The following HEATR5B variants were observed in gnomAD, a reference collection of about 807,000 sequenced individuals.
HEATR5B encodes HEAT repeat-containing protein 5B.
In HEATR5B, 156 loss-of-function variants were observed where a neutral mutation model predicts 224.1. The observed-to-expected ratio is 0.70, with a 90% CI of 0.61 to 0.80. The LOEUF is 0.80. Ranked by LOEUF, HEATR5B falls within the 30% of genes least tolerant of loss-of-function variation. HEATR5B has a pLI of 0.00. For missense variants in HEATR5B, 2,323 were observed against 2,535.5 expected, an observed-to-expected ratio of 0.92 and a Z score of 1.80; for synonymous variants, 1,027 against 893.0, an observed-to-expected ratio of 1.15 and a Z score of -2.68.
At chr2:36,990,258 C>G (rs1666239619) in intron 34 of HEATR5B, among the ~76,000 whole-genome samples, 1 of 152,094 alleles carries the variant, frequency 6.6e-6, no homozygotes, top group Admixed American at 6.6e-5. Flanking sequence ...CAAGTTTAGA[C>G]TCTGACATTG....
chr2:36,987,438 T>C (rs1666025302), intron 35 of HEATR5B, among the ~76,000 whole-genome samples: 1 of 143,798 alleles, frequency 7.0e-6, no homozygotes, highest in Non-Finnish European at 1.5e-5. Context: ...AAAAAAAAGC[T>C]TCATTTGTGA....
intron 25 of HEATR5B, 75 bp downstream of exon 25, chr2:37,020,580 T>C (rs749331786): frequency 1.9e-4 from 204 of 1,096,950 alleles, no homozygotes; most frequent in Non-Finnish European, 2.4e-4. Flanking sequence ...AATGCAGTCC[T>C]CCAGGAAGTC....
chr2:36,993,234 TA>T (rs1047867130), intron 33 of HEATR5B, among the ~76,000 whole-genome samples: 3 of 149,160 alleles, frequency 2.0e-5, no homozygotes, highest in Non-Finnish European at 3.0e-5. Flanking sequence ...CCCACTGAAT[TA>T]AAAAAAAAAT....
At chr2:37,024,818 C>T (rs1249157363) in intron 24 of HEATR5B, among the ~76,000 whole-genome samples, 2 of 152,146 alleles carry the variant, frequency 1.3e-5, no homozygotes, top group Non-Finnish European at 2.9e-5. Flanking sequence ...GTTTCTGGAA[C>T]GAGAGCGCCA....
Position 37,053,505 on chromosome 2 carries a change from T to C in HEATR5B, c.2502A>G (p.Leu834=), listed in dbSNP as rs376011408. 3.0e-5 allele frequency: 48 copies of C among 1,575,712 alleles called. No homozygotes were observed. The African/African-American group carries it at 4.5e-4, about 15-fold the overall frequency. The part of the protein sequence containing the change: ...LNIFTAVLSA[L]KGLAENKSTL... ...AGTATGTATTAAAAGTAAATACCTT[T>C]AGTGCACTAAGAACAGCAGTAAATA... is the stretch of plus-strand genomic sequence containing the variant. The change falls in exon 17 of 36, where the codon CTA becomes CTG. Residue 834 remains leucine (L), a synonymous_variant. Coordinates refer to ENST00000233099, the MANE Select transcript of HEATR5B (RefSeq NM_019024.3).
chr2:37,041,463 A>G (rs1669864600), intron 18 of HEATR5B, among the ~76,000 whole-genome samples, 171 bp from the exon 19 acceptor site: 1 of 152,232 alleles, frequency 6.6e-6, no homozygotes, highest in African/African-American at 2.4e-5. Flanking sequence ...TAAAATAACT[A>G]CAGCTGGGTG....
chr2:36,996,455 C>T (rs1456460761), intron 33 of HEATR5B, among the ~76,000 whole-genome samples: 10 of 146,340 alleles, frequency 6.8e-5, no homozygotes, highest in African/African-American at 1.5e-4. Context: ...AATGGAATCT[C>T]GCCCAAGCTT....
At chr2:37,035,325 C>T (rs1669408162) in intron 21 of HEATR5B, among the ~76,000 whole-genome samples, 1 of 152,088 alleles carries the variant, frequency 6.6e-6, no homozygotes, top group Non-Finnish European at 1.5e-5. Flanking sequence ...AAAAGATAAT[C>T]CTATCCACCC....
chr2:37,047,584 T>C (rs1427505961), intron 18 of HEATR5B, among the ~76,000 whole-genome samples: 1 of 152,204 alleles, frequency 6.6e-6, no homozygotes, highest in African/African-American at 2.4e-5. Context: ...TATCAAAGAT[T>C]TTTATTTTTA....
chr2:37,037,990 A>G lies in HEATR5B; in HGVS notation c.3081T>C (p.Ser1027=), dbSNP rs754150810. ...NGATTSTIRS[S]CLVGCAITQD... is the part of the protein sequence containing the mutation. ...GTGTTATTGCACAACCCACCAAACAAGAGGAACGAATTGTAGAAGTTGTTG... is the reference window on the plus strand; with the variant it reads ...GTGTTATTGCACAACCCACCAAACAGGAGGAACGAATTGTAGAAGTTGTTG... Residue 1027 remains serine, a synonymous_variant, in exon 21 of 36, where the codon TCT becomes TCC. Transcript: ENST00000233099. The G allele has an allele frequency of 6.3e-7, 1 of 1,581,188 alleles. No individual in the cohort carries two copies. The highest frequency in any genetic ancestry group is 1.2e-5 in the South Asian group (1 of 84,690).
At chr2:37,054,256 G>A (rs1282993526) in intron 16 of HEATR5B, among the ~76,000 whole-genome samples, 24 of 142,718 alleles carry the variant, frequency 1.7e-4, no homozygotes, top group African/African-American at 5.3e-4. Context: ...GTGCAATGGC[G>A]CGATCTCGGC....
intron 21 of HEATR5B, 142 bp from the exon 22 acceptor site, chr2:37,032,915 T>C: frequency 2.8e-6 from 2 of 711,036 alleles, no homozygotes; most frequent in Non-Finnish European, 4.3e-6. Flanking sequence ...AGTTTTGCTC[T>C]TGTTGCCCAG....
chr2:37,075,432 G>A, intron 5 of HEATR5B, 53 bp downstream of exon 5: 6 of 1,426,984 alleles, frequency 4.2e-6, no homozygotes, highest in Non-Finnish European at 5.6e-6. Flanking sequence ...ATCGTTGACT[G>A]TTTAAGAGCA....
intron 21 of HEATR5B, among the ~76,000 whole-genome samples, chr2:37,034,636 AAAAG>A (rs1669364260): frequency 6.7e-6 from 1 of 149,240 alleles, no homozygotes; most frequent in African/African-American, 2.4e-5. Context: ...AAAAAAAAAA[AAAAG>A]ACATCGCCCA....
At chr2:37,005,886 T>C (rs1019535695) in intron 29 of HEATR5B, 127 bp from the exon 30 acceptor site, 18 of 669,092 alleles carry the variant, frequency 2.7e-5, no homozygotes, top group Middle Eastern at 4.3e-4. Context: ...TACCTTAAAG[T>C]AGACTTCAAA....
chr2:37,020,801 G>A lies in HEATR5B; in HGVS notation c.3889C>T (p.Arg1297Cys), dbSNP rs1233755633. 6.3e-7 allele frequency: 1 copy of A among 1,591,156 alleles called. No homozygotes were observed. The highest frequency in any genetic ancestry group is 8.5e-7 in the Non-Finnish European group (1 of 1,174,296). Residue 1297 changes from arginine to cysteine, a missense_variant, in exon 25 of 36, where the codon CGC becomes TGC. Transcript: ENST00000233099. The part of the protein sequence containing the change: ...LLVLHLSDLI[R>C]MAFMAATDHS... ...TCAGTTGCAGCCATGAATGCCATGC[G>A]AATGAGGTCAGAGAGATGAAGTACC...
chr2:37,027,287 T>A lies in HEATR5B; in HGVS notation c.3853+636A>T, dbSNP rs544561766. Among the ~76,000 whole-genome samples, 8 of 152,344 alleles carry A rather than the reference T, an allele frequency of 5.3e-5. No homozygotes were observed. The East Asian group carries it at 1.5e-3, about 29-fold the overall frequency. The stretch of plus-strand genomic sequence containing the variant: ...ATAGGATAAGGAATCTGTTACTCTA[T>A]CACCTCTCAATTTCTCTGGGTCTCT... On this transcript the variant is annotated intron_variant, in intron 24 of 35. Transcript: ENST00000233099.
intron 17 of HEATR5B, 55 bp downstream of exon 17, chr2:37,053,447 T>C: frequency 1.1e-6 from 1 of 936,062 alleles, no homozygotes; most frequent in Non-Finnish European, 1.6e-6. Flanking sequence ...GTCTGGCTTA[T>C]TAAATGCATT....
At chr2:37,015,129 G>A (rs1282222016) in intron 26 of HEATR5B, among the ~76,000 whole-genome samples, 3 of 152,208 alleles carry the variant, frequency 2.0e-5, no homozygotes, top group Non-Finnish European at 4.4e-5. Context: ...CTAGCAGGAG[G>A]AATGGGAATG....
Sources: gnomAD v4.1 joint callset for allele counts (sites outside exome capture counted in the v4.1 genomes callset) on GRCh38, gnomAD v4.1.1 for gene constraint, MANE v1.5 for transcripts, NCBI Gene and HGNC (gene_info 2026-07-23, HGNC 2026-07-21) for gene names.